Variants in PRAMEF11 observed in about 807,000 individuals in gnomAD.
The protein encoded by PRAMEF11 is PRAME family member 11.
A neutral mutation model predicts 33.6 loss-of-function variants in PRAMEF11; 17 were observed. The observed-to-expected ratio is 0.51, with a 90% CI of 0.35 to 0.76. PRAMEF11 has a LOEUF of 0.76. PRAMEF11 is among the 30% of genes least tolerant of loss of function. PRAMEF11 has a pLI of 0.01. For missense variants in PRAMEF11, 568 were observed against 567.0 expected, an observed-to-expected ratio of 1.00 and a Z score of -0.02; for synonymous variants, 205 against 227.3, an observed-to-expected ratio of 0.90 and a Z score of 0.88.
In PRAMEF11 at chr1:12,828,507, C is replaced by A; in HGVS notation, c.283G>T (p.Val95Phe). The change falls in exon 2 of 4, where the codon GTT (valine) becomes TTT (phenylalanine). Residue 95 changes from valine to phenylalanine, a missense_variant. Coordinates refer to ENST00000619922, the MANE Select transcript of PRAMEF11 (RefSeq NM_001146344.3). ...CCTGGGCCACCTCACCTGGGACGAACCCCTTGGGTAAGCAGTGCATCCAGC... is the reference window on the plus strand; with the variant it reads ...CCTGGGCCACCTCACCTGGGACGAAACCCTTGGGTAAGCAGTGCATCCAGC... Reference protein sequence around the residue: ...DGLDALLTQGVRPRRWKLQVL... With the variant: ...DGLDALLTQGFRPRRWKLQVL... The A allele has an allele frequency of 6.2e-7, 1 of 1,600,024 alleles. No homozygotes were observed. The highest frequency in any genetic ancestry group is 8.5e-7 in the Non-Finnish European group (1 of 1,172,804).
chr1:12,829,140 G>T (rs1211952879), intron 1 of PRAMEF11, among the ~76,000 whole-genome samples: 2 of 151,362 alleles, frequency 1.3e-5, no homozygotes, highest in Non-Finnish European at 2.9e-5. Context: ...TAAAACAATG[G>T]GAATGGGAGT....
intron 1 of PRAMEF11, 35 bp from the exon 2 acceptor site, chr1:12,828,840 T>C (rs1639939677): frequency 1.9e-6 from 3 of 1,605,760 alleles, no homozygotes; most frequent in African/African-American, 1.3e-5. Flanking sequence ...AAGGCATCAC[T>C]CTCAGGCCAA....
At chr1:12,826,988 T>G (rs914123545) in intron 3 of PRAMEF11, among the ~76,000 whole-genome samples, 1 of 151,048 alleles carries the variant, frequency 6.6e-6, no homozygotes, top group African/African-American at 2.4e-5. Flanking sequence ...GCACCCTCAC[T>G]AGATCTGAAC....
intron 1 of PRAMEF11, among the ~76,000 whole-genome samples, chr1:12,830,356 C>G (rs1027451578): frequency 6.6e-6 from 1 of 151,072 alleles, no homozygotes; most frequent in Admixed American, 6.6e-5. Flanking sequence ...GGTGTCATAT[C>G]GGCTCACTGT....
rs202140853 is a variant in PRAMEF11 at position 12,825,392 on chromosome 1, G to T, written c.987C>A (p.Asp329Glu). 7.2e-7 allele frequency: 1 copy of T among 1,392,274 alleles called. No homozygotes were observed. Among genetic ancestry groups the T allele is most frequent in the Non-Finnish European group, 9.9e-7 (1 of 1,010,188 alleles). The allele number at this position is 1,392,274 out of a possible 1,614,324, so 86.2% of individuals were successfully genotyped here. A position where few individuals can be genotyped will look rare whatever the true frequency, so the allele number is the denominator to read the frequency against. The change falls in exon 4 of 4, where the codon GAC (aspartate) becomes GAA (glutamate). Residue 329 changes from aspartate (D) to glutamate (E), a missense_variant. This residue lies in a region of PRAMEF11 where 52 missense variants were observed against 127.8 expected (regional missense o/e 0.41). Transcript: ENST00000619922. The part of the protein sequence containing the change: ...CPSISQLKTL[D>E]LSGIRLTNYS... ...AATTGGTCAGTCTGATGCCACTCAG[G>T]TCCAGGGTCTTTAGTTGACTGATAC...
chr1:12,826,691 G>C (rs1490314152), intron 3 of PRAMEF11, among the ~76,000 whole-genome samples: 2 of 151,378 alleles, frequency 1.3e-5, no homozygotes, highest in Non-Finnish European at 3.0e-5. Flanking sequence ...GAACCTGGGA[G>C]GCAGAAGTTG....
intron 3 of PRAMEF11, among the ~76,000 whole-genome samples, chr1:12,825,783 G>A (rs1639851694): frequency 6.7e-6 from 1 of 149,968 alleles, no homozygotes; most frequent in East Asian, 2.0e-4. Context: ...AGACCAGCCT[G>A]CTGAACATGG....
chr1:12,825,195 G>C lies in PRAMEF11; in HGVS notation c.1184C>G (p.Ala395Gly), dbSNP rs1639832110. Residue 395 changes from alanine to glycine, a missense_variant, in exon 4 of 4, where the codon GCC becomes GGC. Physicochemically the swap from Ala to Gly is moderately conservative, Grantham distance 60. Coordinates refer to ENST00000619922, the MANE Select transcript of PRAMEF11 (RefSeq NM_001146344.3). ...GTGGCTCAGCAGGTTCTCCAGGGTG[G>C]CCATGCAGATGGGATTTCCACAGAA... ...FSFCGNPICM[A>G]TLENLLSHTI... 6.2e-7 allele frequency: 1 copy of C among 1,608,224 alleles called. No individual in the cohort carries two copies. Among genetic ancestry groups the C allele is most frequent in the Admixed American group, 1.7e-5 (1 of 59,622 alleles).
chr1:12,824,959 C>A lies in PRAMEF11; in HGVS notation c.1420G>T (p.Asp474Tyr). 6.2e-7 allele frequency: 1 copy of A among 1,609,378 alleles called. No homozygotes were observed. The highest frequency in any genetic ancestry group is 8.5e-7 in the Non-Finnish European group (1 of 1,177,684). The change falls in exon 4 of 4, where the codon GAT becomes TAT. Residue 474 changes from aspartate to tyrosine, a missense_variant. This residue lies in a region of PRAMEF11 where 174 missense variants were observed against 127.2 expected (regional missense o/e 1.37). Transcript: ENST00000619922. ...GCAGGCATTCAACAGCAGTATTGAT[C>A]TGCCTCCAGGTCATAAAATGACCTG... Reference protein sequence around the residue: ...GDRSFYDLEADQYCC With the variant: ...GDRSFYDLEAYQYCC
In PRAMEF11 at chr1:12,827,433, C is replaced by T. The variant is rs1214999846; in HGVS notation, c.691G>A (p.Gly231Ser). 4 of 1,608,160 alleles carry T rather than the reference C, an allele frequency of 2.5e-6. 1 individual carries two copies. Among genetic ancestry groups the T allele is most frequent in the East Asian group, 2.2e-5 (1 of 44,514 alleles). ...PILTQFTPYL[G>S]HLRNLQKLVL... Reference sequence around the variant, plus strand: ...AGCTTCTGAAGATTCCTCAAGTGGCCCAGGTATGGGGTAAACTGTGTCAGG... The same window carrying T: ...AGCTTCTGAAGATTCCTCAAGTGGCTCAGGTATGGGGTAAACTGTGTCAGG... The change falls in exon 3 of 4, where the codon GGC becomes AGC. Residue 231 changes from glycine to serine, a missense_variant. Transcript: ENST00000619922.
At position 12,827,316 on chromosome 1, in the gene PRAMEF11, G is replaced by A. The variant is rs199614619; in HGVS notation, c.808C>T (p.Arg270Cys). The part of the protein sequence containing the change: ...TQFTTQFLKL[R>C]CLQKLYMNSV... ...TTCATATAAAGCTTTTGGAGGCAGC[G>A]CAGCTTGAGGAACTGAGTGGTGAAC... The change falls in exon 3 of 4, where the codon CGC becomes TGC. Residue 270 changes from arginine to cysteine, a missense_variant. By Grantham distance (180) the Arg-to-Cys change is radical. Around this residue, in one of 3 missense-constraint regions of PRAMEF11, gnomAD observed 52 missense variants for 127.8 expected, o/e 0.41. Transcript: ENST00000619922. 3.0e-4 allele frequency: 482 copies of A among 1,598,132 alleles called. 6 individuals carry two copies. The African/African-American group carries it at 3.5e-3, about 12-fold the overall frequency.
At chr1:12,829,015 C>T (rs1459787524) in intron 1 of PRAMEF11, among the ~76,000 whole-genome samples, 16 of 151,496 alleles carry the variant, frequency 1.1e-4, no homozygotes, top group African/African-American at 3.2e-4. Flanking sequence ...GGAAGCAGGG[C>T]CACCACGAGC....
rs1195422478 is a variant in PRAMEF11 at position 12,827,314 on chromosome 1, G to T, written c.810C>A (p.Arg270=). The T allele has an allele frequency of 6.3e-7, 1 of 1,598,462 alleles. No homozygotes were observed. The highest frequency in any genetic ancestry group is 8.5e-7 in the Non-Finnish European group (1 of 1,178,648). The change falls in exon 3 of 4, where the codon CGC becomes CGA. Residue 270 remains arginine, a synonymous_variant. Transcript: ENST00000619922. ...AGTTCATATAAAGCTTTTGGAGGCA[G>T]CGCAGCTTGAGGAACTGAGTGGTGA... is the stretch of plus-strand genomic sequence containing the variant. ...TQFTTQFLKL[R]CLQKLYMNSV...
chr1:12,827,098 G>T, intron 3 of PRAMEF11, 151 bp downstream of exon 3: 6 of 1,494,532 alleles, frequency 4.0e-6, no homozygotes, highest in Non-Finnish European at 5.4e-6. Flanking sequence ...ACCCATTTCA[G>T]GACAGGGCCG....
chr1:12,831,002 A>C (rs985175361), intron 1 of PRAMEF11, among the ~76,000 whole-genome samples: 1 of 144,662 alleles, frequency 6.9e-6, no homozygotes, highest in Admixed American at 6.9e-5. Context: ...CCACCCTCAA[A>C]AAAAAAAAAA....
chr1:12,826,659 G>T lies in PRAMEF11; in HGVS notation c.875+590C>A, dbSNP rs546374563. The stretch of plus-strand genomic sequence containing the variant: ...CGCCTGTAATCCCAGGTACTCAGGA[G>T]GCTGAGGCAGGAGAATCGCTTGAAC... On this transcript the variant is annotated intron_variant, in intron 3 of 3. Transcript: ENST00000619922. Among the ~76,000 whole-genome samples the T allele has an allele frequency of 5.5e-4, 83 of 151,406 alleles. 6 individuals carry two copies. The South Asian group carries it at 0.017, about 30-fold the overall frequency.
In PRAMEF11 at chr1:12,825,292, C is replaced by T; in HGVS notation, c.1087G>A (p.Gly363Ser). 1 of 1,599,724 alleles carries T rather than the reference C, an allele frequency of 6.3e-7. No individual in the cohort carries two copies. Among genetic ancestry groups the T allele is most frequent in the Non-Finnish European group, 8.5e-7 (1 of 1,173,008 alleles). Reference protein sequence around the residue: ...TLEYLDLDDCGIIDSQVNAIL... With the variant: ...TLEYLDLDDCSIIDSQVNAIL... ...GCGTTGACTTGGGAGTCTATGATGCCACAGTCATCTAAATCCAGGTACTCA... is the reference window on the plus strand; with the variant it reads ...GCGTTGACTTGGGAGTCTATGATGCTACAGTCATCTAAATCCAGGTACTCA... The change falls in exon 4 of 4, where the codon GGC becomes AGC. Residue 363 changes from glycine (G) to serine (S), a missense_variant. Coordinates refer to ENST00000619922, the MANE Select transcript of PRAMEF11 (RefSeq NM_001146344.3).
At position 12,826,487 on chromosome 1, in the gene PRAMEF11, C is replaced by T. The variant is rs148801207; in HGVS notation, c.875+762G>A. ...CTTAAAAATTATCTTGTTGGCTGGGCGTGGTAGCTCTCGCCTATAATCCCA... is the reference window on the plus strand; with the variant it reads ...CTTAAAAATTATCTTGTTGGCTGGGTGTGGTAGCTCTCGCCTATAATCCCA... On this transcript the variant is annotated intron_variant, in intron 3 of 3. Coordinates refer to ENST00000619922, the MANE Select transcript of PRAMEF11 (RefSeq NM_001146344.3). 4.2e-3 allele frequency among the ~76,000 whole-genome samples: 637 copies of T among 151,324 alleles called. 16 individuals are homozygous for T. The highest frequency in any genetic ancestry group is 0.014 in the African/African-American group (591 of 41,338).
At chr1:12,825,818 C>T (rs1258611890) in intron 3 of PRAMEF11, among the ~76,000 whole-genome samples, 3 of 150,376 alleles carry the variant, frequency 2.0e-5, no homozygotes, top group South Asian at 2.2e-4. Context: ...TACTAAAAAT[C>T]CAAAAATTAG....
Sources: gnomAD v4.1 joint callset for allele counts (sites outside exome capture counted in the v4.1 genomes callset) on GRCh38, gnomAD v4.1.1 for gene constraint, gnomAD v4.1.1 regional missense constraint, MANE v1.5 for transcripts, NCBI Gene and HGNC (gene_info 2026-07-23, HGNC 2026-07-21) for gene names.